The following PLCH2 variants were observed in gnomAD, a reference collection of about 807,000 sequenced individuals.
The protein encoded by PLCH2 is 1-phosphatidylinositol 4,5-bisphosphate phosphodiesterase eta-2.
PLCH2 carries 98 observed loss-of-function variants against 134.7 expected under a neutral mutation model. The observed-to-expected ratio is 0.73, with a 90% CI of 0.62 to 0.86. The LOEUF (loss-of-function observed/expected upper bound fraction) is 0.86. Among genes scored for constraint, PLCH2 ranks in the 40% least tolerant of loss-of-function variants. The pLI, the probability that PLCH2 is intolerant of heterozygous loss-of-function variation, is 0.00. For missense variants in PLCH2, 1,994 were observed against 1,986.6 expected (o/e 1.00, Z -0.07); for synonymous variants, 974 against 827.5 (o/e 1.18, Z -3.04).
chr1:2,481,149 C>CCTGCCAGCTA (rs1641951905), intron 4 of PLCH2, among the ~76,000 whole-genome samples: 1 of 150,076 alleles, frequency 6.7e-6, no homozygotes, highest in African/African-American at 2.5e-5. Flanking sequence ...GTGTCCAGCC[C>CCTGCCAGCTA]CTGCCAGCTC....
Position 2,484,636 on chromosome 1 carries a change from G to C in PLCH2, c.816+18G>C, listed in dbSNP as rs747542087. 5 of 1,607,104 alleles carry C rather than the reference G, an allele frequency of 3.1e-6. No individual in the cohort carries two copies. The Admixed American group carries it at 8.3e-5, about 27-fold the overall frequency. ...AGCAGAAGGTGTGCTGCCCGGGGCAGGTGTTGGGGGGCCAGCCATCAGGCC... is the reference window on the plus strand; with the variant it reads ...AGCAGAAGGTGTGCTGCCCGGGGCACGTGTTGGGGGGCCAGCCATCAGGCC... On this transcript the variant is annotated intron_variant, in intron 5 of 21. Transcript: ENST00000378486.
intron 2 of PLCH2, among the ~76,000 whole-genome samples, chr1:2,442,691 G>GT (rs1416889458): frequency 6.6e-6 from 1 of 152,230 alleles, no homozygotes; most frequent in Non-Finnish European, 1.5e-5. Flanking sequence ...CTGCCCTAGG[G>GT]TGAACGCTGT....
At position 2,439,914 on chromosome 1, in the gene PLCH2, AT is replaced by A. The variant is rs1337785266; in HGVS notation, c.115+9286del. Among the ~76,000 whole-genome samples, 1 of 152,030 alleles carries A rather than the reference AT, an allele frequency of 6.6e-6. No individual in the cohort carries two copies. The highest frequency in any genetic ancestry group is 1.5e-5 in the Non-Finnish European group (1 of 67,972). On this transcript the variant is annotated intron_variant, in intron 2 of 3. Transcript: ENST00000609981. This position sits in a 1 kb window ranked among gnomAD's most constrained non-coding sequence, Gnocchi z 4.7. ...TCTTAATGTGAAGGGCAGACTCAAA[AT>A]CAGGGCAAGGTCATGTCCGGGACAC...
chr1:2,486,880 T>C, intron 5 of PLCH2, 27 bp from the exon 6 acceptor site: 1 of 1,570,160 alleles, frequency 6.4e-7, no homozygotes, highest in Non-Finnish European at 8.7e-7. Context: ...ATGGGCTGCC[T>C]GGACTCATGC....
At chr1:2,474,465 G>A (rs777089426), upstream of PLCH2, among the ~76,000 whole-genome samples, 2 of 152,198 alleles carry the variant, frequency 1.3e-5, no homozygotes, top group African/African-American at 2.4e-5. Flanking sequence ...AGGTCAGGGG[G>A]CCTGGGGTGC....
rs908891544 is a variant in PLCH2 at position 2,434,761 on chromosome 1, C to A, written c.115+4132C>A. Among the ~76,000 whole-genome samples the A allele has an allele frequency of 9.2e-5, 14 of 152,338 alleles. 1 individual carries two copies. Among genetic ancestry groups the A allele is most frequent in the African/African-American group, 3.1e-4 (13 of 41,582 alleles). On this transcript the variant is annotated intron_variant, in intron 2 of 3. Coordinates refer to the PLCH2 transcript ENST00000609981. ...CGCCGGTTGTGTCCCCACTCTGGGG[C>A]CATGCAAGCTCCTCTCCCTGGTGCC...
chr1:2,423,323 G>A (rs1428900087), upstream of PLCH2, among the ~76,000 whole-genome samples: 1 of 152,146 alleles, frequency 6.6e-6, no homozygotes, highest in Non-Finnish European at 1.5e-5. Flanking sequence ...GAGTAGCTGG[G>A]ACCACAGGCA....
In PLCH2 at chr1:2,480,204, C is replaced by T. The variant is rs761924327; in HGVS notation, c.537C>T (p.Asp179=). The T allele has an allele frequency of 5.6e-6, 9 of 1,612,740 alleles. No individual in the cohort carries two copies. The highest frequency in any genetic ancestry group is 2.7e-5 in the African/African-American group (2 of 74,934). Residue 179 remains aspartate (D), a synonymous_variant, in exon 4 of 22, where the codon GAC becomes GAT. Transcript: ENST00000378486. ...TRDQWLKQTF[D]EADKNGDGSL... is the part of the protein sequence containing the mutation. ...CAAAGTGGCTGAAGCAGACGTTTGA[C>T]GAGGCCGACAAGAACGGGGATGGCA...
chr1:2,496,766 G>A, intron 14 of PLCH2, 62 bp downstream of exon 14: 1 of 1,609,970 alleles, frequency 6.2e-7, no homozygotes, highest in Non-Finnish European at 8.5e-7. Flanking sequence ...TCCCTGCTAT[G>A]CTGCTGGGCG....
the PLCH2 span, among the ~76,000 whole-genome samples, chr1:2,416,919 C>T: frequency 6.6e-6 from 1 of 152,096 alleles, no homozygotes; most frequent in Non-Finnish European, 1.5e-5. Context: ...GACAGCAGAG[C>T]CAGCCTGGGG....
At chr1:2,421,828 G>C (rs1638528334), upstream of PLCH2, among the ~76,000 whole-genome samples, 1 of 151,526 alleles carries the variant, frequency 6.6e-6, no homozygotes, top group African/African-American at 2.4e-5. Context: ...ACAAAAATTA[G>C]CTGGGCGTGG....
At chr1:2,480,397 G>C in intron 4 of PLCH2, 85 bp downstream of exon 4, 1 of 1,465,168 alleles carries the variant, frequency 6.8e-7, no homozygotes, top group Non-Finnish European at 9.4e-7. Context: ...TGCCAGCCCT[G>C]ACTGAGCTGG....
intron 2 of PLCH2, among the ~76,000 whole-genome samples, chr1:2,433,100 G>C (rs1404524952): frequency 6.6e-6 from 1 of 152,200 alleles, no homozygotes; most frequent in Non-Finnish European, 1.5e-5. Context: ...TGAACTCAGA[G>C]GTGGGAGCCT....
intron 8 of PLCH2, among the ~76,000 whole-genome samples, chr1:2,488,898 A>G (rs1285278915): frequency 6.6e-6 from 1 of 152,190 alleles, no homozygotes; most frequent in Non-Finnish European, 1.5e-5. Context: ...GACTTTTTCA[A>G]ACGTTCCTTT....
At chr1:2,501,845 A>G (rs562177870) in intron 20 of PLCH2, 65 of 441,120 alleles carry the variant, frequency 1.5e-4, no homozygotes, top group Non-Finnish European at 2.3e-4. Flanking sequence ...TGGACAGGTC[A>G]GGCGAGGGCA....
chr1:2,500,903 A>G (rs1292675222), intron 20 of PLCH2: 1 of 138,320 alleles, frequency 7.2e-6, no homozygotes, highest in African/African-American at 2.7e-5. Context: ...AGCCCGCTGG[A>G]GCCCCCACTG....
At chr1:2,485,665 C>T (rs1476697943) in intron 5 of PLCH2, among the ~76,000 whole-genome samples, 2 of 151,172 alleles carry the variant, frequency 1.3e-5, no homozygotes, top group Non-Finnish European at 3.0e-5. Context: ...GGGACCTCCA[C>T]TCTACTGGCC....
rs1458741788 is a variant in PLCH2 at position 2,503,316 on chromosome 1, A to G, written c.2960-606A>G. ...GGGACTGGGGGCCACGTACCATCCC[A>G]TTCCCACCTCCCTCTAGGGCAGGCT... On this transcript the variant is annotated intron_variant, in intron 21 of 21. Coordinates refer to ENST00000378486, the MANE Select transcript of PLCH2 (RefSeq NM_014638.4). 11 of 568,594 alleles carry G rather than the reference A, an allele frequency of 1.9e-5. No individual in the cohort carries two copies. The South Asian group carries it at 2.0e-4, about 10-fold the overall frequency. The allele number at this position is 568,594 out of a possible 1,614,324, so 35.2% of individuals were successfully genotyped here. A position where few individuals can be genotyped will look rare whatever the true frequency, so the allele number is the denominator to read the frequency against.
chr1:2,502,086 AGCTACATGG>A lies in PLCH2; in HGVS notation c.2662-22_2662-14del. The A allele has an allele frequency of 7.1e-7, 1 of 1,417,968 alleles. No individual in the cohort carries two copies. The highest frequency in any genetic ancestry group is 1.5e-5 in the South Asian group (1 of 66,462). The allele number at this position is 1,417,968 out of a possible 1,614,324, so 87.8% of individuals were successfully genotyped here. On this transcript the variant is annotated splice_polypyrimidine_tract_variant and intron_variant, in intron 20 of 21. Coordinates refer to ENST00000378486, the MANE Select transcript of PLCH2 (RefSeq NM_014638.4). The stretch of plus-strand genomic sequence containing the variant: ...CAGCTGGGCTGGGACCCCTGGCAAC[AGCTACATGG>A]GCTCCTTCTCTTGCAGGTCAAGCAG...
Sources: gnomAD v4.1 joint callset for allele counts (sites outside exome capture counted in the v4.1 genomes callset) on GRCh38, gnomAD v4.1.1 for gene constraint, Gnocchi (gnomAD v3.1) non-coding constraint, MANE v1.5 for transcripts, NCBI Gene and HGNC (gene_info 2026-07-23, HGNC 2026-07-21) for gene names.